CDH12: variants seen among roughly 807,000 people sequenced by gnomAD.
The protein encoded by CDH12 is cadherin 12, also known as cadherin-12.
In CDH12, 41 loss-of-function variants were observed where a neutral mutation model predicts 74.1. The observed-to-expected ratio is 0.55, with a 90% CI of 0.43 to 0.72. The LOEUF (loss-of-function observed/expected upper bound fraction) is 0.72, where lower values mean the gene tolerates loss of function less well. CDH12 is among the 30% of genes least tolerant of loss of function. The pLI is 0.00. For synonymous variants in CDH12, 399 were observed against 355.0 expected, an observed-to-expected ratio of 1.12 and a Z score of -1.39; for missense variants, 945 against 977.2, an observed-to-expected ratio of 0.97 and a Z score of 0.44.
At chr5:22,614,448 T>A (rs268970) in intron 1 of CDH12, among the ~76,000 whole-genome samples, 51,113 of 151,584 alleles carry the variant, frequency 0.34, 9,107 homozygotes, top group African/African-American at 0.44. Context: ...TGAGCTATCA[T>A]GAATGAGCAG....
chr5:22,533,687 C>T lies in CDH12; in HGVS notation c.-522-28323G>A, dbSNP rs2126707770. Among the ~76,000 whole-genome samples the T allele has an allele frequency of 2.6e-5, 4 of 152,290 alleles. 1 individual carries two copies. The South Asian group carries it at 8.3e-4, about 32-fold the overall frequency. ...GGGTTTAGAATTCAGGCATGATAGACCCTGTAGCAACTCCACAGGACATCC... is the reference window on the plus strand; with the variant it reads ...GGGTTTAGAATTCAGGCATGATAGATCCTGTAGCAACTCCACAGGACATCC... On this transcript the variant is annotated intron_variant, in intron 1 of 14. Transcript: ENST00000382254.
At chr5:21,959,798 T>G (rs1756268971) in intron 6 of CDH12, among the ~76,000 whole-genome samples, 1 of 148,562 alleles carries the variant, frequency 6.7e-6, no homozygotes, top group African/African-American at 2.5e-5. Flanking sequence ...TGGTGGTGTG[T>G]GCCTGTAGTC....
At chr5:22,349,346 A>G (rs1186235299) in intron 3 of CDH12, among the ~76,000 whole-genome samples, 1 of 152,208 alleles carries the variant, frequency 6.6e-6, no homozygotes, top group African/African-American at 2.4e-5. Context: ...TCTCATGATA[A>G]TGATACAAAG....
intron 6 of CDH12, among the ~76,000 whole-genome samples, chr5:21,881,417 G>C (rs1752348680): frequency 6.6e-6 from 1 of 152,104 alleles, no homozygotes; most frequent in African/African-American, 2.4e-5. Flanking sequence ...GGGTTGTCTG[G>C]AGTCTTGACT....
intron 7 of CDH12, among the ~76,000 whole-genome samples, chr5:21,847,170 C>A (rs1282668769): frequency 6.6e-6 from 1 of 152,088 alleles, no homozygotes; most frequent in Non-Finnish European, 1.5e-5. Context: ...CTCTGATCTT[C>A]TTTTCTACAA....
At chr5:22,071,653 A>G (rs1741946233) in intron 5 of CDH12, among the ~76,000 whole-genome samples, 3 of 152,136 alleles carry the variant, frequency 2.0e-5, no homozygotes, top group Non-Finnish European at 4.4e-5. Flanking sequence ...CCTAGAGTAT[A>G]TTAACCACTT....
At chr5:22,773,317 T>A (rs143670070) in intron 1 of CDH12, among the ~76,000 whole-genome samples, 11 of 152,030 alleles carry the variant, frequency 7.2e-5, no homozygotes, top group African/African-American at 2.7e-4. Flanking sequence ...CATAGACCAA[T>A]GGAACAGAAT....
At chr5:22,787,267 T>C (rs917715882) in intron 1 of CDH12, among the ~76,000 whole-genome samples, 1 of 152,174 alleles carries the variant, frequency 6.6e-6, no homozygotes, top group African/African-American at 2.4e-5. Flanking sequence ...TCTATAACAT[T>C]CTGTCCTAAT....
At chr5:21,827,611 C>A (rs4336326) in intron 8 of CDH12, among the ~76,000 whole-genome samples, 138 of 152,160 alleles carry the variant, frequency 9.1e-4, no homozygotes, top group African/African-American at 2.9e-3. Context: ...TAATAAATGC[C>A]TATCTGCAAA....
At chr5:21,921,844 G>C (rs1240251007) in intron 6 of CDH12, among the ~76,000 whole-genome samples, 1 of 152,182 alleles carries the variant, frequency 6.6e-6, no homozygotes, top group Non-Finnish European at 1.5e-5. Context: ...GTTTTTCTGT[G>C]TTAAACTGCT....
At chr5:22,694,008 T>C (rs1224197624) in intron 1 of CDH12, among the ~76,000 whole-genome samples, 2 of 152,040 alleles carry the variant, frequency 1.3e-5, no homozygotes, top group Non-Finnish European at 2.9e-5. Flanking sequence ...GGTGTGTTCA[T>C]AGCTCATTGC....
chr5:22,743,949 T>C (rs1325497057), intron 1 of CDH12, among the ~76,000 whole-genome samples: 1 of 152,126 alleles, frequency 6.6e-6, no homozygotes, highest in Non-Finnish European at 1.5e-5. Flanking sequence ...ATTTTGTTGT[T>C]TGAAATACAT....
At chr5:22,108,516 G>A (rs539147689) in intron 4 of CDH12, among the ~76,000 whole-genome samples, 14 of 152,364 alleles carry the variant, frequency 9.2e-5, no homozygotes, top group East Asian at 3.9e-4. Context: ...ACGTGAAGGC[G>A]TGGGGAAGAG....
rs114414442 is a variant in CDH12, at chr5:21,817,138, A to G, written c.815-6T>C. 78,834 of 1,590,330 alleles carry G rather than the reference A, an allele frequency of 0.05. 2,261 individuals are homozygous for G. Among genetic ancestry groups the G allele is most frequent in the Non-Finnish European group, 0.059 (69,299 of 1,167,036 alleles). ...AACTTTCAAGTGGAAGATGCCTGAT[A>G]AGACATATAAAATTTGAATTGACAG... On this transcript the variant is annotated splice_region_variant and splice_polypyrimidine_tract_variant and intron_variant, in intron 8 of 14. Transcript: ENST00000382254.
intron 5 of CDH12, among the ~76,000 whole-genome samples, chr5:22,024,205 A>G (rs1363715884): frequency 6.6e-6 from 1 of 152,212 alleles, no homozygotes; most frequent in Non-Finnish European, 1.5e-5. Flanking sequence ...AGATAATTAC[A>G]TATTTATCTT....
At chr5:21,879,280 G>A (rs1479774289) in intron 6 of CDH12, among the ~76,000 whole-genome samples, 3 of 148,820 alleles carry the variant, frequency 2.0e-5, no homozygotes, top group Non-Finnish European at 2.9e-5. Flanking sequence ...TAGGATAACA[G>A]TTTATCTATT....
intron 1 of CDH12, among the ~76,000 whole-genome samples, chr5:22,763,312 G>A (rs1367730383): frequency 6.6e-6 from 1 of 151,836 alleles, no homozygotes; most frequent in African/African-American, 2.4e-5. Context: ...TCCTTGTTCA[G>A]ATAACAAAAT....
At chr5:22,553,441 G>C (rs187003271) in intron 1 of CDH12, among the ~76,000 whole-genome samples, 2 of 152,126 alleles carry the variant, frequency 1.3e-5, no homozygotes, top group Admixed American at 6.6e-5. Flanking sequence ...TCTGACTTAT[G>C]ACCATCCCTA....
Position 22,042,206 on chromosome 5 carries a change from T to C in CDH12, c.231+36240A>G, listed in dbSNP as rs116444205. Among the ~76,000 whole-genome samples the C allele has an allele frequency of 6.9e-3, 1,034 of 150,854 alleles. 3 individuals carry two copies. The highest frequency in any genetic ancestry group is 0.011 in the Non-Finnish European group (721 of 67,564). On this transcript the variant is annotated intron_variant, in intron 5 of 14. Coordinates refer to ENST00000382254, the MANE Select transcript of CDH12 (RefSeq NM_004061.5). ...ACAAATGCCTACATTAAAAAAAAAT[T>C]AGAAATATCTCAAATAAACAACCTA... is the stretch of plus-strand genomic sequence containing the variant.
Sources: allele counts gnomAD v4.1 joint callset (sites outside exome capture counted in the v4.1 genomes callset), GRCh38; gene constraint gnomAD v4.1.1; transcripts MANE v1.5; gene names NCBI Gene and HGNC (gene_info 2026-07-23, HGNC 2026-07-21).